LAMA1: variants seen among roughly 807,000 people sequenced by gnomAD.
LAMA1 encodes the protein laminin subunit alpha-1.
A neutral mutation model predicts 348.7 loss-of-function variants in LAMA1; 219 were observed. That is an observed-to-expected ratio of 0.63 (90% CI 0.56 to 0.70). The LOEUF (loss-of-function observed/expected upper bound fraction) is 0.70. Ranked by LOEUF, LAMA1 falls within the 30% of genes least tolerant of loss-of-function variation. The probability of loss-of-function intolerance (pLI) is 0.00; values close to 1 mark genes in which losing one functional copy is unlikely to be tolerated. For missense variants in LAMA1, 3,744 were observed against 3,888.0 expected (o/e 0.96, Z 0.99); for synonymous variants, 1,487 against 1,491.0 (o/e 1.00, Z 0.06).
chr18:7,065,578 T>C (rs58126237), intron 3 of LAMA1, among the ~76,000 whole-genome samples: 2,083 of 151,796 alleles, frequency 0.014, 43 homozygotes, highest in African/African-American at 0.047. Flanking sequence ...AATTCAAAAA[T>C]TAGCCAGGTG....
intron 8 of LAMA1, chr18:7,042,952 T>C (rs1359628217): frequency 7.0e-6 from 3 of 429,178 alleles, no homozygotes; most frequent in Admixed American, 3.9e-5. Context: ...GCTTTAGTTA[T>C]AGCTGAATTT....
Position 6,974,455 on chromosome 18 carries a change from C to CTTT in LAMA1, c.6623+445_6623+447dup, listed in dbSNP as rs1213269695. ...CTTGTAACAAATGCTTATTTCTTTT[C>CTTT]TTTTTTTTTTTTTTTTTTGAGATGG... On this transcript the variant is annotated intron_variant, in intron 46 of 62. Transcript: ENST00000389658. Among the ~76,000 whole-genome samples, 191 of 128,272 alleles carry CTTT rather than the reference C, an allele frequency of 1.5e-3. 1 individual carries two copies. The highest frequency in any genetic ancestry group is 5.0e-3 in the African/African-American group (171 of 34,150). 84.2% of individuals were successfully genotyped at this position (128,272 alleles called of 152,430 possible).
chr18:7,067,403 C>T (rs1216514672), intron 3 of LAMA1, among the ~76,000 whole-genome samples: 1 of 151,108 alleles, frequency 6.6e-6, no homozygotes, highest in African/African-American at 2.4e-5. Context: ...AGAAGCCAGA[C>T]ACAAAAAAGG....
chr18:7,083,819 CCAGCA>C (rs1223616219), intron 1 of LAMA1, among the ~76,000 whole-genome samples: 1 of 151,932 alleles, frequency 6.6e-6, no homozygotes, highest in African/African-American at 2.4e-5. Flanking sequence ...GCCTGTAATC[CCAGCA>C]CTTCGGGAGG....
intron 30 of LAMA1, among the ~76,000 whole-genome samples, chr18:7,000,324 T>C (rs938155087): frequency 2.0e-5 from 3 of 152,164 alleles, no homozygotes; most frequent in Middle Eastern, 3.2e-3. Context: ...GGGTCTTTGC[T>C]TACTAAGTGA....
At chr18:7,008,923 T>C (rs1330666809) in intron 27 of LAMA1, among the ~76,000 whole-genome samples, 1 of 152,218 alleles carries the variant, frequency 6.6e-6, no homozygotes, top group Non-Finnish European at 1.5e-5. Flanking sequence ...CAGCATTCTT[T>C]ATACATCACT....
At chr18:6,976,802 A>G (rs994043490) in intron 44 of LAMA1, among the ~76,000 whole-genome samples, 2 of 151,726 alleles carry the variant, frequency 1.3e-5, no homozygotes, top group Non-Finnish European at 2.9e-5. Flanking sequence ...TAGAGACAGG[A>G]TCTTATTATG....
chr18:7,095,211 T>TATATTTCCTAAG (rs1568065882), intron 1 of LAMA1, among the ~76,000 whole-genome samples: 4 of 152,164 alleles, frequency 2.6e-5, no homozygotes, highest in African/African-American at 9.6e-5. Flanking sequence ...TCCTAAGTTC[T>TATATTTCCTAAG]TCCCTATATT....
intron 3 of LAMA1, among the ~76,000 whole-genome samples, chr18:7,069,292 C>T (rs56167425): frequency 0.046 from 7,005 of 152,194 alleles, 546 homozygotes; most frequent in African/African-American, 0.16. Context: ...GCTCACTTAT[C>T]GTTAAAAGAA....
intron 1 of LAMA1, among the ~76,000 whole-genome samples, chr18:7,099,517 G>T (rs557358441): frequency 3.3e-5 from 5 of 150,556 alleles, no homozygotes; most frequent in Admixed American, 3.3e-4. Context: ...CTTACACCCT[G>T]ACTCCTTACC....
At chr18:6,991,477 G>C (rs529197409) in intron 36 of LAMA1, among the ~76,000 whole-genome samples, 1 of 145,128 alleles carries the variant, frequency 6.9e-6, no homozygotes, top group African/African-American at 2.6e-5. Flanking sequence ...TGCAACCTCC[G>C]CTACCCAGGT....
In LAMA1 at chr18:6,965,325, G is replaced by C; in HGVS notation, c.7158C>G (p.Thr2386=). The C allele has an allele frequency of 6.2e-7, 1 of 1,614,168 alleles. No homozygotes were observed. The highest frequency in any genetic ancestry group is 1.1e-5 in the South Asian group (1 of 91,092). ...TTCGCTGGAAGGCAATTTTGTACCA[G>C]GTTCCATTGTTATAACGTCTGTCTG... ...LLTDRRYNNG[T]WYKIAFQRNR... Residue 2386 remains threonine, a synonymous_variant, in exon 50 of 63, where the codon ACC becomes ACG. Coordinates refer to ENST00000389658, the MANE Select transcript of LAMA1 (RefSeq NM_005559.4).
At chr18:7,052,320 A>G (rs2058065142) in intron 3 of LAMA1, among the ~76,000 whole-genome samples, 1 of 151,776 alleles carries the variant, frequency 6.6e-6, no homozygotes, top group Non-Finnish European at 1.5e-5. Flanking sequence ...AGTCCCCACT[A>G]CTCAGGAGGC....
chr18:7,105,685 C>T (rs1378147046), intron 1 of LAMA1, among the ~76,000 whole-genome samples: 1 of 152,096 alleles, frequency 6.6e-6, no homozygotes, highest in Non-Finnish European at 1.5e-5. Context: ...AGAATAATGC[C>T]TGAATATGGA....
chr18:6,999,305 T>C, intron 32 of LAMA1, 140 bp downstream of exon 32: 1 of 863,812 alleles, frequency 1.2e-6, no homozygotes, highest in Non-Finnish European at 1.8e-6. Context: ...GCAACAGTGA[T>C]CTATGCTTAG....
intron 40 of LAMA1, 140 bp from the exon 41 acceptor site, chr18:6,982,730 T>G: frequency 2.6e-6 from 2 of 766,658 alleles, no homozygotes; most frequent in Non-Finnish European, 2.3e-6. Context: ...TAGGGACAAT[T>G]TAAAATGGCT....
intron 1 of LAMA1, among the ~76,000 whole-genome samples, chr18:7,081,141 G>A (rs573612559): frequency 2.7e-3 from 411 of 152,108 alleles, no homozygotes; most frequent in African/African-American, 9.3e-3. Context: ...GGACAATAGA[G>A]CGAGACTGAG....
At chr18:7,003,517 C>G (rs2057818049) in intron 29 of LAMA1, among the ~76,000 whole-genome samples, 2 of 152,178 alleles carry the variant, frequency 1.3e-5, no homozygotes, top group Admixed American at 1.3e-4. Context: ...CTCGGCCTCC[C>G]AAAGTGCTGG....
intron 1 of LAMA1, among the ~76,000 whole-genome samples, chr18:7,091,227 G>A (rs1193012121): frequency 6.6e-6 from 1 of 152,052 alleles, no homozygotes; most frequent in Admixed American, 6.6e-5. Context: ...AATTATTATT[G>A]CACTTACGCA....
Sources: gnomAD v4.1 joint callset for allele counts (sites outside exome capture counted in the v4.1 genomes callset) on GRCh38, gnomAD v4.1.1 for gene constraint, MANE v1.5 for transcripts, NCBI Gene and HGNC (gene_info 2026-07-23, HGNC 2026-07-21) for gene names.